VAV3: variants seen among roughly 807,000 people sequenced by gnomAD.
The protein encoded by VAV3 is vav guanine nucleotide exchange factor 3.
A neutral mutation model predicts 131.2 loss-of-function variants in VAV3; 94 were observed. The observed-to-expected ratio is 0.72, with a 90% CI of 0.61 to 0.85. The LOEUF (loss-of-function observed/expected upper bound fraction) is 0.85. Ranked by LOEUF, VAV3 falls within the 40% of genes least tolerant of loss-of-function variation. The pLI, the probability that VAV3 is intolerant of heterozygous loss-of-function variation, is 0.00. For synonymous variants in VAV3, 349 were observed against 342.0 expected (o/e 1.02, Z -0.22); for missense variants, 939 against 1,002.7 (o/e 0.94, Z 0.86).
intron 2 of VAV3, among the ~76,000 whole-genome samples, chr1:107,873,569 G>A (rs1178956868): frequency 1.3e-5 from 2 of 152,092 alleles, no homozygotes; most frequent in African/African-American, 2.4e-5. Context: ...TTAGAGAAGT[G>A]TCCACCTCAC....
chr1:107,933,814 C>CAAAAA (rs11383512), intron 1 of VAV3, among the ~76,000 whole-genome samples: 1 of 119,218 alleles, frequency 8.4e-6, no homozygotes. Flanking sequence ...AGACCCTTCT[C>CAAAAA]AAAAAAAAAA....
At chr1:107,864,115 A>G (rs1669871399) in intron 2 of VAV3, among the ~76,000 whole-genome samples, 1 of 152,218 alleles carries the variant, frequency 6.6e-6, no homozygotes, top group African/African-American at 2.4e-5. Context: ...AGAGGATTAC[A>G]CAACTAAGAA....
chr1:107,826,834 G>A (rs1018481136), intron 2 of VAV3, among the ~76,000 whole-genome samples: 19 of 151,938 alleles, frequency 1.3e-4, no homozygotes, highest in African/African-American at 4.3e-4. Flanking sequence ...AGAAACAAAC[G>A]GAAAATAAAG....
chr1:107,894,538 G>A (rs1490767145), intron 1 of VAV3, among the ~76,000 whole-genome samples: 2 of 152,052 alleles, frequency 1.3e-5, no homozygotes, highest in African/African-American at 2.4e-5. Flanking sequence ...TAAGTGTTTA[G>A]AAAAACAAAA....
At chr1:107,797,548 T>C (rs769101778) in intron 2 of VAV3, among the ~76,000 whole-genome samples, 1 of 152,198 alleles carries the variant, frequency 6.6e-6, no homozygotes, top group Non-Finnish European at 1.5e-5. Flanking sequence ...CCAGCTGGAT[T>C]TCTGGGTCAA....
intron 2 of VAV3, among the ~76,000 whole-genome samples, chr1:107,819,903 G>A (rs533856380): frequency 6.6e-6 from 1 of 152,190 alleles, no homozygotes; most frequent in East Asian, 1.9e-4. Context: ...CAAAACTACA[G>A]TGAAATATCA....
At chr1:107,889,130 A>AGTGT (rs1484310079) in intron 1 of VAV3, among the ~76,000 whole-genome samples, 3 of 42,742 alleles carry the variant, frequency 7.0e-5, no homozygotes, top group Non-Finnish European at 1.3e-4. Flanking sequence ...TCTCCTGTGT[A>AGTGT]GAGTGTGTGT....
intron 2 of VAV3, among the ~76,000 whole-genome samples, chr1:107,805,657 T>C (rs1667025443): frequency 6.6e-6 from 1 of 152,212 alleles, no homozygotes; most frequent in African/African-American, 2.4e-5. Context: ...TTAGGTTTGG[T>C]CACTGGTTCC....
chr1:107,770,836 T>C (rs1347873777), intron 5 of VAV3, 108 bp from the exon 6 acceptor site: 3 of 824,300 alleles, frequency 3.6e-6, no homozygotes, highest in Non-Finnish European at 5.7e-6. Flanking sequence ...TCCTTTCTAA[T>C]ACAACACATA....
At position 107,609,917 on chromosome 1, in the gene VAV3, T is replaced by G. The variant is rs1030275640; in HGVS notation, c.2015+14A>C. ...GTATTTCAACCTAGCTACATAAACA[T>G]TTTTAATACTTACCAGGGTTGGCAA... On this transcript the variant is annotated intron_variant, in intron 22 of 26. Transcript: ENST00000370056. The G allele has an allele frequency of 1.9e-6, 3 of 1,612,076 alleles. No individual in the cohort carries two copies. The highest frequency in any genetic ancestry group is 2.5e-6 in the Non-Finnish European group (3 of 1,178,542).
At chr1:107,785,623 G>T in intron 2 of VAV3, 2 of 1,143,058 alleles carry the variant, frequency 1.7e-6, no homozygotes, top group Non-Finnish European at 2.2e-6. Flanking sequence ...CCTGGTTTCT[G>T]AAGGATCAGA....
rs144329024 is a variant in VAV3 at position 107,892,331 on chromosome 1, G to A, written c.205-17314C>T. On this transcript the variant is annotated intron_variant, in intron 1 of 26. Coordinates refer to ENST00000370056, the MANE Select transcript of VAV3 (RefSeq NM_006113.5). ...TAAGCACTGACTGAGTGCCCATTAC[G>A]TACTAGGTACCACTTTAAGCACACG... 2.3e-3 allele frequency among the ~76,000 whole-genome samples: 344 copies of A among 152,196 alleles called. 1 individual carries two copies. The highest frequency in any genetic ancestry group is 7.8e-3 in the African/African-American group (323 of 41,522).
At chr1:107,859,490 T>C (rs1669639972) in intron 2 of VAV3, among the ~76,000 whole-genome samples, 1 of 152,224 alleles carries the variant, frequency 6.6e-6, no homozygotes, top group South Asian at 2.1e-4. Context: ...ACTGATTTAG[T>C]GCTTAGCTGA....
intron 1 of VAV3, among the ~76,000 whole-genome samples, chr1:107,922,752 AC>A (rs1317053739): frequency 2.0e-5 from 3 of 151,562 alleles, no homozygotes; most frequent in South Asian, 4.1e-4. Flanking sequence ...GGAGATCGAG[AC>A]CATCCTGGCT....
At chr1:107,683,729 C>T (rs527773865) in intron 18 of VAV3, among the ~76,000 whole-genome samples, 196 bp from the exon 19 acceptor site, 49 of 152,242 alleles carry the variant, frequency 3.2e-4, no homozygotes, top group South Asian at 8.3e-4. Flanking sequence ...ACGTGTATAT[C>T]ATTACACTTG....
At chr1:107,868,857 C>CA (rs372165930) in intron 2 of VAV3, among the ~76,000 whole-genome samples, 37 of 152,052 alleles carry the variant, frequency 2.4e-4, no homozygotes, top group African/African-American at 8.2e-4. Flanking sequence ...AAAACTGGCT[C>CA]AAAAAAGAGA....
chr1:107,618,089 C>T (rs1380084965), intron 20 of VAV3, among the ~76,000 whole-genome samples: 1 of 151,996 alleles, frequency 6.6e-6, no homozygotes, highest in Non-Finnish European at 1.5e-5. Context: ...GTCAAGTCTG[C>T]GCTCCTATGA....
chr1:107,677,443 T>C (rs1357822330), intron 19 of VAV3, among the ~76,000 whole-genome samples: 2 of 152,172 alleles, frequency 1.3e-5, no homozygotes, highest in African/African-American at 4.8e-5. Context: ...CTTTATCTAC[T>C]TAGCATTACA....
intron 17 of VAV3, among the ~76,000 whole-genome samples, chr1:107,690,514 G>T (rs777486770): frequency 3.9e-5 from 6 of 152,108 alleles, no homozygotes; most frequent in Non-Finnish European, 5.9e-5. Context: ...ACCCAGACAC[G>T]GCACTGATGA....
Sources: allele counts gnomAD v4.1 joint callset (sites outside exome capture counted in the v4.1 genomes callset), GRCh38; gene constraint gnomAD v4.1.1; transcripts MANE v1.5; gene names NCBI Gene and HGNC (gene_info 2026-07-23, HGNC 2026-07-21).